Variants in HECW2 observed in about 807,000 individuals in gnomAD.
HECW2 encodes the protein E3 ubiquitin-protein ligase HECW2.
Under a neutral mutation model 175.2 loss-of-function variants are expected in HECW2, and 61 were observed. The observed-to-expected ratio is 0.35, with a 90% CI of 0.28 to 0.43. HECW2 has a LOEUF of 0.43. HECW2 is among the 20% of genes least tolerant of loss of function. The probability of loss-of-function intolerance (pLI) is 1.00; values close to 1 mark genes in which losing one functional copy is unlikely to be tolerated. For missense variants in HECW2, 1,524 were observed against 2,000.5 expected, an observed-to-expected ratio of 0.76 and a Z score of 4.54; for synonymous variants, 671 against 731.0, an observed-to-expected ratio of 0.92 and a Z score of 1.32.
At chr2:196,408,961 C>T (rs1559093789) in intron 2 of HECW2, among the ~76,000 whole-genome samples, 2 of 152,202 alleles carry the variant, frequency 1.3e-5, no homozygotes, top group Non-Finnish European at 2.9e-5. Flanking sequence ...AACAAGCATA[C>T]AGGAGAATAC....
chr2:196,255,833 G>A (rs1423788963), intron 18 of HECW2, among the ~76,000 whole-genome samples: 1 of 152,188 alleles, frequency 6.6e-6, no homozygotes, highest in Non-Finnish European at 1.5e-5. Flanking sequence ...AGCACTTTGG[G>A]AGGCCGAGGA....
intron 14 of HECW2, among the ~76,000 whole-genome samples, chr2:196,283,761 A>G (rs1298356824): frequency 1.3e-5 from 2 of 152,196 alleles, no homozygotes; most frequent in African/African-American, 4.8e-5. Context: ...GAAACAGTGA[A>G]GTTTCCACAC....
intron 2 of HECW2, among the ~76,000 whole-genome samples, chr2:196,377,475 A>T (rs1254071505): frequency 6.6e-6 from 1 of 152,214 alleles, no homozygotes; most frequent in Admixed American, 6.5e-5. Context: ...GACGTCTTAC[A>T]TGGTAGCAGG....
chr2:196,213,646 G>C (rs1687369896), intron 28 of HECW2, among the ~76,000 whole-genome samples: 1 of 152,180 alleles, frequency 6.6e-6, no homozygotes, highest in Non-Finnish European at 1.5e-5. Flanking sequence ...TAGGAATGTA[G>C]AAGCAAACTT....
At position 196,316,173 on chromosome 2, in the gene HECW2, T is replaced by C. The variant is rs200391761; in HGVS notation, c.2434+1101A>G. 31 of 152,344 alleles carry C rather than the reference T, an allele frequency of 2.0e-4. No homozygotes were observed. The East Asian group carries it at 6.0e-3, about 29-fold the overall frequency. 9.4% of individuals were successfully genotyped at this position (152,344 alleles called of 1,614,324 possible). On this transcript the variant is annotated intron_variant, in intron 10 of 28. Coordinates refer to ENST00000644978, the MANE Select transcript of HECW2 (RefSeq NM_001348768.2). Reference sequence around the variant, plus strand: ...CCATTTTATTTTAAACTGCTTAAAATATGTTTGTTATGAGTCACGGCCCTT... The same window carrying C: ...CCATTTTATTTTAAACTGCTTAAAACATGTTTGTTATGAGTCACGGCCCTT...
intron 1 of HECW2, among the ~76,000 whole-genome samples, chr2:196,447,055 T>C (rs1351547199): frequency 6.6e-6 from 1 of 152,132 alleles, no homozygotes; most frequent in Non-Finnish European, 1.5e-5. Flanking sequence ...AAAAACTAAA[T>C]GAATATGCAA....
chr2:196,521,239 G>A (rs1688363020), intron 1 of HECW2, among the ~76,000 whole-genome samples: 2 of 131,514 alleles, frequency 1.5e-5, no homozygotes, highest in Non-Finnish European at 3.0e-5. Flanking sequence ...CCTCTATCCT[G>A]CAGTCTTTCT....
intron 1 of HECW2, among the ~76,000 whole-genome samples, chr2:196,589,228 T>G (rs1469147031): frequency 6.6e-6 from 1 of 152,142 alleles, no homozygotes; most frequent in Non-Finnish European, 1.5e-5. Flanking sequence ...AAATTTCTTC[T>G]TATTTAGACA....
intron 16 of HECW2, 151 bp from the exon 17 acceptor site, chr2:196,271,440 T>G: frequency 1.8e-6 from 1 of 569,608 alleles, no homozygotes; most frequent in Non-Finnish European, 3.1e-6. Flanking sequence ...CCTGCCACCA[T>G]GCTCAGCTAA....
intron 1 of HECW2, among the ~76,000 whole-genome samples, chr2:196,455,509 T>G (rs541232836): frequency 8.5e-5 from 13 of 152,348 alleles, no homozygotes; most frequent in Non-Finnish European, 1.6e-4. Context: ...TTTATGACTT[T>G]ATGATAAAAG....
chr2:196,276,478 T>C (rs891784584), intron 15 of HECW2, among the ~76,000 whole-genome samples: 11 of 152,100 alleles, frequency 7.2e-5, no homozygotes, highest in African/African-American at 1.7e-4. Context: ...CCCAGAAAAA[T>C]AGTCCTAACT....
intron 13 of HECW2, among the ~76,000 whole-genome samples, chr2:196,296,673 G>C (rs1690827692): frequency 6.6e-6 from 1 of 152,180 alleles, no homozygotes; most frequent in Admixed American, 6.5e-5. Flanking sequence ...GATGAAGAAG[G>C]AGAATTATAG....
chr2:196,519,199 C>T (rs976126888), intron 1 of HECW2, among the ~76,000 whole-genome samples: 1 of 152,100 alleles, frequency 6.6e-6, no homozygotes, highest in Non-Finnish European at 1.5e-5. Flanking sequence ...AGCAGCATGC[C>T]CAGTCTCAAA....
Position 196,270,981 on chromosome 2 carries a change from G to A in HECW2, c.3335+212C>T, listed in dbSNP as rs551576854. On this transcript the variant is annotated intron_variant, in intron 17 of 28. Coordinates refer to ENST00000644978, the MANE Select transcript of HECW2 (RefSeq NM_001348768.2). ...AGTGCTGAGATTACAGGCGTGAGTC[G>A]CCGTGCCCGGCCGATTTTATTCAAC... Among the ~76,000 whole-genome samples, 6 of 151,654 alleles carry A rather than the reference G, an allele frequency of 4.0e-5. No individual in the cohort carries two copies. In the South Asian group the frequency reaches 8.4e-4, roughly 21 times the overall value.
At chr2:196,467,509 T>C (rs953618192) in intron 1 of HECW2, among the ~76,000 whole-genome samples, 4 of 152,240 alleles carry the variant, frequency 2.6e-5, no homozygotes, top group East Asian at 1.9e-4. Flanking sequence ...TCAATACTTC[T>C]ATGATGCGCT....
intron 1 of HECW2, among the ~76,000 whole-genome samples, chr2:196,524,412 C>T (rs1176718915): frequency 1.4e-4 from 12 of 87,110 alleles, no homozygotes; most frequent in South Asian, 4.3e-4. Context: ...TTTTGTTGAT[C>T]CTTTCAAAAA....
chr2:196,573,524 T>C (rs1298380964), intron 1 of HECW2, among the ~76,000 whole-genome samples: 22 of 151,858 alleles, frequency 1.4e-4, no homozygotes, highest in Non-Finnish European at 3.2e-4. Flanking sequence ...CTGGAGCTCC[T>C]CAAAAAGGCC....
At chr2:196,375,950 A>T (rs1694040111) in intron 2 of HECW2, among the ~76,000 whole-genome samples, 1 of 152,242 alleles carries the variant, frequency 6.6e-6, no homozygotes, top group Non-Finnish European at 1.5e-5. Flanking sequence ...TTCTTATGCC[A>T]GTTAGGAAAA....
At position 196,286,725 on chromosome 2, in the gene HECW2, T is replaced by A. The variant is rs550020164; in HGVS notation, c.3000+5840A>T. Among the ~76,000 whole-genome samples, 11 of 152,336 alleles carry A rather than the reference T, an allele frequency of 7.2e-5. No homozygotes were observed. The East Asian group carries it at 2.1e-3, about 29-fold the overall frequency. Reference sequence around the variant, plus strand: ...TTCCATCAACAGCTAGATTGCTGCATAACTTAAGGTAATTAAACCAGATAC... The same window carrying A: ...TTCCATCAACAGCTAGATTGCTGCAAAACTTAAGGTAATTAAACCAGATAC... On this transcript the variant is annotated intron_variant, in intron 14 of 28. Transcript: ENST00000644978.
Sources: gnomAD v4.1 joint callset for allele counts (sites outside exome capture counted in the v4.1 genomes callset) on GRCh38, gnomAD v4.1.1 for gene constraint, MANE v1.5 for transcripts, NCBI Gene and HGNC (gene_info 2026-07-23, HGNC 2026-07-21) for gene names.